RHBDD1: variants seen among roughly 807,000 people sequenced by gnomAD.
RHBDD1 encodes rhomboid domain containing 1, also known as rhomboid-related protein 4.
In RHBDD1, 38 loss-of-function variants were observed where a neutral mutation model predicts 36.3. The observed-to-expected ratio is 1.05, with a 90% CI of 0.81 to 1.37. The LOEUF (loss-of-function observed/expected upper bound fraction) is 1.37. Among genes scored for constraint, RHBDD1 ranks in the 40% most tolerant of loss-of-function variants. The pLI is 0.00. For synonymous variants in RHBDD1, 151 were observed against 136.5 expected, an observed-to-expected ratio of 1.11 and a Z score of -0.74; for missense variants, 393 against 377.6, an observed-to-expected ratio of 1.04 and a Z score of -0.34.
At chr2:226,889,799 C>G (rs1946539112) in intron 5 of RHBDD1, among the ~76,000 whole-genome samples, 1 of 152,186 alleles carries the variant, frequency 6.6e-6, no homozygotes, top group East Asian at 1.9e-4. Context: ...GAATGGTTTC[C>G]TTATTGAATT....
the RHBDD1 span, among the ~76,000 whole-genome samples, chr2:226,811,204 G>A: frequency 6.6e-6 from 1 of 152,062 alleles, no homozygotes; most frequent in African/African-American, 2.4e-5. Flanking sequence ...CTAAAGCAGA[G>A]CTCAAGATGG....
At chr2:226,849,663 A>T (rs1942596791) in intron 3 of RHBDD1, among the ~76,000 whole-genome samples, 3 of 152,268 alleles carry the variant, frequency 2.0e-5, no homozygotes, top group Admixed American at 2.0e-4. Context: ...CAGAGAGTCA[A>T]GGCAGACTCC....
At chr2:226,992,121 A>G (rs545008101) in intron 8 of RHBDD1, among the ~76,000 whole-genome samples, 1 of 152,340 alleles carries the variant, frequency 6.6e-6, no homozygotes, top group African/African-American at 2.4e-5. Flanking sequence ...GTAGTAGATC[A>G]TATGACACAA....
At chr2:226,827,450 T>C in the RHBDD1 span, among the ~76,000 whole-genome samples, 1 of 152,190 alleles carries the variant, frequency 6.6e-6, no homozygotes, top group Non-Finnish European at 1.5e-5. Flanking sequence ...TTACTGTTGA[T>C]CAAAATGATA....
the RHBDD1 span, among the ~76,000 whole-genome samples, chr2:226,819,476 AATACTC>A: frequency 6.6e-6 from 1 of 152,202 alleles, no homozygotes; most frequent in Non-Finnish European, 1.5e-5. Context: ...ACCACTCTAA[AATACTC>A]ATCCTTGTGT....
chr2:226,960,842 T>G (rs1174818277), intron 8 of RHBDD1, among the ~76,000 whole-genome samples: 1 of 152,186 alleles, frequency 6.6e-6, no homozygotes, highest in Admixed American at 6.5e-5. Context: ...TGTCAGAGAT[T>G]CGAGTATCTG....
rs148903367 is a variant in RHBDD1, at chr2:226,990,774, G to A, written c.857-4657G>A. ...TAATTGAGGTAAATCATCTTAACACGGGAAGTATTCCTGAGGTTCTTTGAA... is the reference window on the plus strand; with the variant it reads ...TAATTGAGGTAAATCATCTTAACACAGGAAGTATTCCTGAGGTTCTTTGAA... On this transcript the variant is annotated intron_variant, in intron 8 of 8. Coordinates refer to ENST00000392062, the MANE Select transcript of RHBDD1 (RefSeq NM_001167608.3). Among the ~76,000 whole-genome samples the A allele has an allele frequency of 1.6e-3, 239 of 152,130 alleles. 4 individuals carry two copies. The highest frequency in any genetic ancestry group is 6.8e-3 in the Middle Eastern group (2 of 294).
intron 8 of RHBDD1, among the ~76,000 whole-genome samples, chr2:226,918,813 C>T (rs1472216991): frequency 2.0e-5 from 3 of 151,998 alleles, no homozygotes; most frequent in Admixed American, 2.0e-4. Flanking sequence ...TATTTCCTTT[C>T]TTTTGGGCAT....
intron 5 of RHBDD1, among the ~76,000 whole-genome samples, chr2:226,901,292 A>ACTTAGGTTGTTTT (rs1947567609): frequency 6.6e-6 from 1 of 152,116 alleles, no homozygotes; most frequent in Admixed American, 6.6e-5. Flanking sequence ...GTTGATGTAC[A>ACTTAGGTTGTTTT]CTTAGGTTGT....
the RHBDD1 span, among the ~76,000 whole-genome samples, chr2:226,827,173 C>T: frequency 2.6e-5 from 4 of 151,866 alleles, no homozygotes; most frequent in Non-Finnish European, 5.9e-5. Context: ...CCATATTTTC[C>T]GGGCTGGTCT....
At chr2:226,842,912 G>A (rs1231281205) in intron 3 of RHBDD1, among the ~76,000 whole-genome samples, 1 of 152,186 alleles carries the variant, frequency 6.6e-6, no homozygotes, top group African/African-American at 2.4e-5. Flanking sequence ...TCATGAGCAT[G>A]GAATGTTTTT....
chr2:226,818,647 T>C, the RHBDD1 span, among the ~76,000 whole-genome samples: 1 of 151,546 alleles, frequency 6.6e-6, no homozygotes, highest in Admixed American at 6.6e-5. Flanking sequence ...GAAACCAGCC[T>C]GGCCAACATG....
At chr2:226,876,171 C>G (rs1324271994) in intron 5 of RHBDD1, among the ~76,000 whole-genome samples, 1 of 152,140 alleles carries the variant, frequency 6.6e-6, no homozygotes, top group Non-Finnish European at 1.5e-5. Flanking sequence ...AGAATGGACA[C>G]ACGGCTTTGG....
At chr2:226,967,908 CTG>C (rs1952771585) in intron 8 of RHBDD1, among the ~76,000 whole-genome samples, 1 of 152,102 alleles carries the variant, frequency 6.6e-6, no homozygotes, top group Non-Finnish European at 1.5e-5. Flanking sequence ...AAGAGAAACT[CTG>C]TAACCTGTTG....
chr2:226,970,161 C>T (rs1326373579), intron 8 of RHBDD1, among the ~76,000 whole-genome samples: 2 of 151,930 alleles, frequency 1.3e-5, no homozygotes, highest in African/African-American at 2.4e-5. Context: ...TATACTTCTG[C>T]ACTGTGCTAT....
chr2:226,986,194 A>C (rs115058628), intron 8 of RHBDD1, among the ~76,000 whole-genome samples: 374 of 152,382 alleles, frequency 2.5e-3, no homozygotes, highest in African/African-American at 8.8e-3. Context: ...GGGTCAAGAA[A>C]GGACTCAGAA....
At chr2:226,922,015 C>T (rs1350315003) in intron 8 of RHBDD1, among the ~76,000 whole-genome samples, 3 of 151,892 alleles carry the variant, frequency 2.0e-5, no homozygotes, top group African/African-American at 7.3e-5. Context: ...TCTGGGTGCT[C>T]CCGTGTTAGA....
intron 8 of RHBDD1, among the ~76,000 whole-genome samples, chr2:226,948,778 G>GT (rs1951208383): frequency 6.6e-6 from 1 of 152,044 alleles, no homozygotes; most frequent in Non-Finnish European, 1.5e-5. Flanking sequence ...ACATAGTATT[G>GT]TAAGTTCTGG....
chr2:226,929,097 C>T (rs996219303), intron 8 of RHBDD1, among the ~76,000 whole-genome samples: 1 of 152,074 alleles, frequency 6.6e-6, no homozygotes, highest in Non-Finnish European at 1.5e-5. Flanking sequence ...ACCAGTCCTA[C>T]TGAAACTATT....
Sources: allele counts gnomAD v4.1 joint callset (sites outside exome capture counted in the v4.1 genomes callset), GRCh38; gene constraint gnomAD v4.1.1; transcripts MANE v1.5; gene names NCBI Gene and HGNC (gene_info 2026-07-23, HGNC 2026-07-21).